The following SMIM18 variants were observed in gnomAD, a reference collection of about 807,000 sequenced individuals.
SMIM18 encodes small integral membrane protein 18.
Under a neutral mutation model 5.9 loss-of-function variants are expected in SMIM18, and 4 were observed. That is an observed-to-expected ratio of 0.68 (90% confidence interval 0.33 to 1.56). The LOEUF (loss-of-function observed/expected upper bound fraction) is 1.56. SMIM18 is among the 40% of genes most tolerant of loss of function. The pLI is 0.06. For missense variants in SMIM18, 89 were observed against 109.7 expected (o/e 0.81, Z 0.84); for synonymous variants, 37 against 37.4 (o/e 0.99, Z 0.04).
chr8:30,638,939 C>T (rs984888290), intron 1 of SMIM18, among the ~76,000 whole-genome samples: 12 of 152,116 alleles, frequency 7.9e-5, no homozygotes, highest in Non-Finnish European at 2.9e-5. Flanking sequence ...TGGTTACTTG[C>T]TAATTTCATT....
rs1333341004 is a variant in SMIM18 at position 30,644,125 on chromosome 8, A to T, written c.-110-367A>T. ...TATTTGTTAGAGATCAAGACAGTAAAAACTAATTTAGTTCCTCATTACTAT... is the reference window on the plus strand; with the variant it reads ...TATTTGTTAGAGATCAAGACAGTAATAACTAATTTAGTTCCTCATTACTAT... On this transcript the variant is annotated intron_variant, in intron 1 of 2. Transcript: ENST00000517349. Among the ~76,000 whole-genome samples the T allele has an allele frequency of 2.6e-5, 4 of 152,322 alleles. No homozygotes were observed. The East Asian group carries it at 7.7e-4, about 29-fold the overall frequency.
At chr8:30,640,743 C>T (rs933278241) in intron 1 of SMIM18, among the ~76,000 whole-genome samples, 1 of 152,150 alleles carries the variant, frequency 6.6e-6, no homozygotes, top group African/African-American at 2.4e-5. Flanking sequence ...CTCACTCTAT[C>T]GCCCAGGCTA....
At chr8:30,639,674 T>C (rs528170825) in intron 1 of SMIM18, among the ~76,000 whole-genome samples, 16 of 152,316 alleles carry the variant, frequency 1.1e-4, no homozygotes, top group Admixed American at 7.2e-4. Flanking sequence ...TACTAGATGT[T>C]AGAACTCCAT....
chr8:30,645,847 A>G lies in SMIM18; in HGVS notation c.*250A>G, dbSNP rs922254147. The G allele has an allele frequency of 2.1e-5, 8 of 381,718 alleles. No homozygotes were observed. The highest frequency in any genetic ancestry group is 3.7e-5 in the Non-Finnish European group (8 of 213,734). 23.6% of individuals were successfully genotyped at this position (381,718 alleles called of 1,614,324 possible). ...ATACTGACACTTCAAAAACTGGATA[A>G]AAGATTCCTAGAGTTCAATATTAAG... is the stretch of plus-strand genomic sequence containing the variant. On this transcript the variant is annotated 3_prime_UTR_variant, in exon 3 of 3. Coordinates refer to ENST00000517349, the MANE Select transcript of SMIM18 (RefSeq NM_001206847.2).
intron 1 of SMIM18, among the ~76,000 whole-genome samples, chr8:30,642,305 A>AAT (rs1237569468): frequency 1.3e-5 from 2 of 151,636 alleles, no homozygotes; most frequent in African/African-American, 4.8e-5. Context: ...CCAAAAAAAA[A>AAT]AAAAAGGAAA....
chr8:30,642,288 AG>A (rs1042241536), intron 1 of SMIM18, among the ~76,000 whole-genome samples: 10 of 104,988 alleles, frequency 9.5e-5, no homozygotes, highest in African/African-American at 3.4e-4. Context: ...GAATTAAAGG[AG>A]AAAAGCCAAA....
Position 30,645,534 on chromosome 8 carries a change from T to C in SMIM18, c.225T>C (p.Ser75=). 6.5e-7 allele frequency: 1 copy of C among 1,535,652 alleles called. No homozygotes were observed. The highest frequency in any genetic ancestry group is 8.7e-7 in the Non-Finnish European group (1 of 1,146,880). Residue 75 remains serine, a synonymous_variant, in exon 3 of 3, where the codon AGT becomes AGC. Transcript: ENST00000517349. ...ACAAAACCGTGAAAGACTTGAAAAG[T>C]GAACCCAACCCTCTTAGAAGTATGA... ...VKNKTVKDLK[S]EPNPLRSMMD...
Position 30,645,515 on chromosome 8 carries a change from C to T in SMIM18, c.206C>T (p.Thr69Ile), listed in dbSNP as rs892883845. The T allele has an allele frequency of 1.3e-6, 2 of 1,535,530 alleles. No homozygotes were observed. Among genetic ancestry groups the T allele is most frequent in the Non-Finnish European group, 1.7e-6 (2 of 1,146,890 alleles). The change falls in exon 3 of 3, where the codon ACC (threonine) becomes ATC (isoleucine). Residue 69 changes from threonine (T) to isoleucine (I), a missense_variant. Physicochemically the swap from Thr to Ile is moderately conservative, Grantham distance 89. Coordinates refer to ENST00000517349, the MANE Select transcript of SMIM18 (RefSeq NM_001206847.2). ...TGCTGCTGCTGTGTAAAAAACAAAACCGTGAAAGACTTGAAAAGTGAACCC... is the reference window on the plus strand; with the variant it reads ...TGCTGCTGCTGTGTAAAAAACAAAATCGTGAAAGACTTGAAAAGTGAACCC... ...LDCCCCVKNK[T>I]VKDLKSEPNP...
chr8:30,642,234 T>C (rs1244217460), intron 1 of SMIM18, among the ~76,000 whole-genome samples: 5 of 149,838 alleles, frequency 3.3e-5, no homozygotes, highest in African/African-American at 1.2e-4. Context: ...CTGATTTAAC[T>C]AGATGTGTTA....
chr8:30,642,096 T>C (rs1801857448), intron 1 of SMIM18, among the ~76,000 whole-genome samples: 2 of 152,202 alleles, frequency 1.3e-5, no homozygotes, highest in Non-Finnish European at 1.5e-5. Context: ...AATAGATACA[T>C]AAACAACAGG....
intron 1 of SMIM18, among the ~76,000 whole-genome samples, chr8:30,639,105 TTGTTA>T (rs1801715458): frequency 6.6e-6 from 1 of 152,226 alleles, no homozygotes; most frequent in African/African-American, 2.4e-5. Flanking sequence ...ATAAGAAAGT[TTGTTA>T]TATTTTTTAG....
chr8:30,642,824 A>C (rs1586000179), intron 1 of SMIM18, among the ~76,000 whole-genome samples: 1 of 152,260 alleles, frequency 6.6e-6, no homozygotes, highest in East Asian at 1.9e-4. Context: ...GATACAAGTT[A>C]AACCTCAAAT....
intron 1 of SMIM18, 99 bp downstream of exon 1, chr8:30,638,738 A>C (rs749251931): frequency 1.3e-5 from 2 of 152,548 alleles, no homozygotes; most frequent in Non-Finnish European, 2.9e-5. Context: ...CTTTGCTCCT[A>C]CTAAATATCA....
intron 1 of SMIM18, chr8:30,643,857 C>T (rs1234908826): frequency 6.6e-6 from 1 of 151,200 alleles, no homozygotes; most frequent in Non-Finnish European, 1.5e-5. Context: ...TTGTAGTTTT[C>T]GTTAAATGAA....
At chr8:30,643,821 A>G (rs538510933) in intron 1 of SMIM18, 1 of 152,262 alleles carries the variant, frequency 6.6e-6, no homozygotes, top group South Asian at 2.1e-4. Flanking sequence ...AAGAAAAAAA[A>G]AAAAGTACAT....
chr8:30,639,145 ATTTT>A (rs1309347011), intron 1 of SMIM18, among the ~76,000 whole-genome samples: 1 of 152,172 alleles, frequency 6.6e-6, no homozygotes, highest in African/African-American at 2.4e-5. Context: ...GTTCAAAATT[ATTTT>A]TATTTTGCTT....
chr8:30,645,532 A>C lies in SMIM18; in HGVS notation c.223A>C (p.Ser75Arg). 1.3e-6 allele frequency: 2 copies of C among 1,535,726 alleles called. No homozygotes were observed. Among genetic ancestry groups the C allele is most frequent in the Non-Finnish European group, 1.7e-6 (2 of 1,146,894 alleles). The stretch of plus-strand genomic sequence containing the variant: ...AAACAAAACCGTGAAAGACTTGAAA[A>C]GTGAACCCAACCCTCTTAGAAGTAT... ...VKNKTVKDLK[S>R]EPNPLRSMMD... Residue 75 changes from serine (S) to arginine (R), a missense_variant, in exon 3 of 3, where the codon AGT becomes CGT. By Grantham distance (110) the Ser-to-Arg change is moderately radical (BLOSUM62 -1). Transcript: ENST00000517349.
chr8:30,645,121 G>T lies in SMIM18; in HGVS notation c.-29-160G>T, dbSNP rs149819613. Among the ~76,000 whole-genome samples, 29 of 152,254 alleles carry T rather than the reference G, an allele frequency of 1.9e-4. No homozygotes were observed. In the East Asian group the frequency reaches 5.6e-3, roughly 29 times the overall value. On this transcript the variant is annotated intron_variant, in intron 2 of 2. Coordinates refer to ENST00000517349, the MANE Select transcript of SMIM18 (RefSeq NM_001206847.2). ...AAACAGGGTATGGTTGACTAAGGACGTTGGCCCAGATATACAAAAAAATTC... is the reference window on the plus strand; with the variant it reads ...AAACAGGGTATGGTTGACTAAGGACTTTGGCCCAGATATACAAAAAAATTC...
chr8:30,645,786 T>A lies in SMIM18; in HGVS notation c.*189T>A. ...TATAGCCATTTCATTAAATATACAG[T>A]AAAACTTCATGAATGTGAATTTACT... On this transcript the variant is annotated 3_prime_UTR_variant, in exon 3 of 3. Coordinates refer to ENST00000517349, the MANE Select transcript of SMIM18 (RefSeq NM_001206847.2). 1 of 566,750 alleles carries A rather than the reference T, an allele frequency of 1.8e-6. No homozygotes were observed. Among genetic ancestry groups the A allele is most frequent in the Non-Finnish European group, 3.1e-6 (1 of 327,672 alleles). 35.1% of individuals were successfully genotyped at this position (566,750 alleles called of 1,614,324 possible). A position where few individuals can be genotyped will look rare whatever the true frequency, so the allele number is the denominator to read the frequency against.
Sources: allele counts gnomAD v4.1 joint callset (sites outside exome capture counted in the v4.1 genomes callset), GRCh38; gene constraint gnomAD v4.1.1; transcripts MANE v1.5; gene names NCBI Gene and HGNC (gene_info 2026-07-23, HGNC 2026-07-21).